BBX: variants seen among roughly 807,000 people sequenced by gnomAD.
The protein encoded by BBX is HMG box transcription factor BBX.
BBX carries 30 observed loss-of-function variants against 100.2 expected under a neutral mutation model. That is an observed-to-expected ratio of 0.30 (90% confidence interval 0.22 to 0.41). The LOEUF (loss-of-function observed/expected upper bound fraction) is 0.41, where lower values mean the gene tolerates loss of function less well. BBX is among the 10% of genes least tolerant of loss of function. The probability of loss-of-function intolerance (pLI) is 1.00; values close to 1 mark genes in which losing one functional copy is unlikely to be tolerated. For synonymous variants in BBX, 376 were observed against 388.1 expected (o/e 0.97, Z 0.37); for missense variants, 1,023 against 1,129.8 (o/e 0.91, Z 1.35).
chr3:107,593,289 C>T (rs1399361552), intron 2 of BBX, among the ~76,000 whole-genome samples: 11 of 152,312 alleles, frequency 7.2e-5, no homozygotes, highest in Non-Finnish European at 1.5e-4. Context: ...TGAACACTGG[C>T]TGTTTGTTCA....
chr3:107,540,225 T>C (rs940198205), intron 2 of BBX, among the ~76,000 whole-genome samples: 3 of 152,184 alleles, frequency 2.0e-5, no homozygotes, highest in African/African-American at 7.2e-5. Flanking sequence ...CATATAGAGA[T>C]AGGCCAACTA....
At chr3:107,721,626 A>G (rs1278648012) in intron 5 of BBX, among the ~76,000 whole-genome samples, 1 of 152,044 alleles carries the variant, frequency 6.6e-6, no homozygotes, top group Non-Finnish European at 1.5e-5. Context: ...TACTGTGTTT[A>G]AAGAAATATT....
At chr3:107,729,700 A>C (rs1294773758) in intron 6 of BBX, among the ~76,000 whole-genome samples, 1 of 152,190 alleles carries the variant, frequency 6.6e-6, no homozygotes, top group Non-Finnish European at 1.5e-5. Context: ...AAGGCAGTGA[A>C]GTTGCAATTG....
At chr3:107,544,885 C>T (rs1159275124) in intron 2 of BBX, among the ~76,000 whole-genome samples, 10 of 150,522 alleles carry the variant, frequency 6.6e-5, no homozygotes, top group East Asian at 3.9e-4. Context: ...GACATGGTGG[C>T]GGGCACCTGT....
chr3:107,730,756 G>T (rs2063268875), intron 6 of BBX, among the ~76,000 whole-genome samples: 1 of 152,082 alleles, frequency 6.6e-6, no homozygotes, highest in African/African-American at 2.4e-5. Context: ...AATGGCTTGG[G>T]TTATATGTTG....
chr3:107,747,328 TG>T, intron 8 of BBX, among the ~76,000 whole-genome samples: 1 of 152,208 alleles, frequency 6.6e-6, no homozygotes, highest in East Asian at 1.9e-4. Flanking sequence ...TATTGAGTTC[TG>T]GTGCCATGCT....
chr3:107,538,400 T>C (rs2048648510), intron 2 of BBX, among the ~76,000 whole-genome samples: 1 of 152,168 alleles, frequency 6.6e-6, no homozygotes, highest in South Asian at 2.1e-4. Context: ...TTGTTGTTTC[T>C]TTTTCTTTAA....
chr3:107,802,533 A>G (rs1376095974), intron 17 of BBX, among the ~76,000 whole-genome samples: 1 of 152,240 alleles, frequency 6.6e-6, no homozygotes, highest in Non-Finnish European at 1.5e-5. Context: ...TGCAGTGAGA[A>G]CTTAAAATAT....
chr3:107,679,444 A>G lies in BBX; in HGVS notation c.-9-31008A>G, dbSNP rs552228528. On this transcript the variant is annotated intron_variant, in intron 3 of 17. Coordinates refer to ENST00000325805, the MANE Select transcript of BBX (RefSeq NM_001142568.3). ...CCAGGTCCTGCTGTGCTGAATATGG[A>G]AGCTGTGTGGTTTCCCAGCAGCAGA... Among the ~76,000 whole-genome samples, 9 of 152,208 alleles carry G rather than the reference A, an allele frequency of 5.9e-5. No individual in the cohort carries two copies. In the South Asian group the frequency reaches 1.9e-3, roughly 32 times the overall value.
At chr3:107,689,248 A>G (rs1206320324) in intron 3 of BBX, among the ~76,000 whole-genome samples, 2 of 152,254 alleles carry the variant, frequency 1.3e-5, no homozygotes, top group Admixed American at 6.5e-5. Context: ...AATATTTACA[A>G]TAAACACAGG....
At position 107,526,397 on chromosome 3, in the gene BBX, G is replaced by A. The variant is rs180968570; in HGVS notation, c.-85G>A. 185 of 398,568 alleles carry A rather than the reference G, an allele frequency of 4.6e-4. 1 individual carries two copies. The highest frequency in any genetic ancestry group is 3.1e-3 in the Middle Eastern group (5 of 1,588). The allele number at this position is 398,568 out of a possible 1,614,324, so 24.7% of individuals were successfully genotyped here. A position where few individuals can be genotyped will look rare whatever the true frequency, so the allele number is the denominator to read the frequency against. Reference sequence around the variant, plus strand: ...CTGTGTACTTTCCATTTGCCTTCCTGGGTAAGTATGCAAACTGTTCGTACA... The same window carrying A: ...CTGTGTACTTTCCATTTGCCTTCCTAGGTAAGTATGCAAACTGTTCGTACA... On this transcript the variant is annotated splice_region_variant and 5_prime_UTR_variant, in exon 2 of 18. Coordinates refer to ENST00000325805, the MANE Select transcript of BBX (RefSeq NM_001142568.3).
chr3:107,801,897 A>AT (rs1559805084), intron 17 of BBX, among the ~76,000 whole-genome samples: 1 of 152,046 alleles, frequency 6.6e-6, no homozygotes, highest in Admixed American at 6.6e-5. Context: ...CTACAAAGTA[A>AT]TTTTTTTCTC....
chr3:107,534,142 T>C (rs2048340167), intron 2 of BBX, among the ~76,000 whole-genome samples: 1 of 152,206 alleles, frequency 6.6e-6, no homozygotes, highest in African/African-American at 2.4e-5. Context: ...TAAGGAATTG[T>C]TTATTGATAG....
At chr3:107,701,744 G>T (rs768446114) in intron 3 of BBX, among the ~76,000 whole-genome samples, 3 of 151,590 alleles carry the variant, frequency 2.0e-5, no homozygotes, top group Non-Finnish European at 4.4e-5. Context: ...AATGGATACA[G>T]TAAAAACCTT....
At chr3:107,639,295 C>T (rs1401101889) in intron 2 of BBX, among the ~76,000 whole-genome samples, 1 of 152,158 alleles carries the variant, frequency 6.6e-6, no homozygotes, top group Non-Finnish European at 1.5e-5. Flanking sequence ...TAAGGTTTCT[C>T]CAGTGGGTTT....
chr3:107,707,039 GCA>G (rs1272416819), intron 3 of BBX, among the ~76,000 whole-genome samples: 3 of 152,158 alleles, frequency 2.0e-5, no homozygotes, highest in African/African-American at 4.8e-5. Flanking sequence ...TTATTAAAGT[GCA>G]CAGTTTATAC....
intron 3 of BBX, among the ~76,000 whole-genome samples, chr3:107,704,900 G>T (rs931966198): frequency 5.3e-5 from 8 of 152,180 alleles, no homozygotes; most frequent in Non-Finnish European, 1.2e-4. Context: ...GATAAAAGAA[G>T]AGATATTTGA....
At chr3:107,605,433 C>G (rs1211776810) in intron 2 of BBX, among the ~76,000 whole-genome samples, 1 of 151,778 alleles carries the variant, frequency 6.6e-6, no homozygotes, top group Admixed American at 6.6e-5. Flanking sequence ...AACATATAGC[C>G]CAGTCATGGA....
chr3:107,529,628 C>T (rs776956912), intron 2 of BBX, among the ~76,000 whole-genome samples: 11 of 152,182 alleles, frequency 7.2e-5, no homozygotes, highest in Non-Finnish European at 8.8e-5. Flanking sequence ...TCATCACATA[C>T]TGTGTCTAAT....
Sources: gnomAD v4.1 joint callset for allele counts (sites outside exome capture counted in the v4.1 genomes callset) on GRCh38, gnomAD v4.1.1 for gene constraint, MANE v1.5 for transcripts, NCBI Gene and HGNC (gene_info 2026-07-23, HGNC 2026-07-21) for gene names.